CELF2: variants seen among roughly 807,000 people sequenced by gnomAD.
The protein encoded by CELF2 is CUG triplet repeat RNA-binding protein 2.
A neutral mutation model predicts 62.6 loss-of-function variants in CELF2; 8 were observed. That is an observed-to-expected ratio of 0.13 (90% CI 0.07 to 0.23). The LOEUF is 0.23. CELF2 is among the 10% of genes least tolerant of loss of function. The pLI is 1.00. For synonymous variants in CELF2, 258 were observed against 250.0 expected (o/e 1.03, Z -0.30); for missense variants, 333 against 671.0 (o/e 0.50, Z 5.56).
At chr10:10,676,443 T>C in the CELF2 span, among the ~76,000 whole-genome samples, 1 of 152,206 alleles carries the variant, frequency 6.6e-6, no homozygotes, top group Non-Finnish European at 1.5e-5. Flanking sequence ...AACAGAGTGA[T>C]CTGGTGTGTT....
intron 1 of CELF2, among the ~76,000 whole-genome samples, chr10:10,910,228 C>G (rs764673484): frequency 2.6e-5 from 4 of 152,082 alleles, no homozygotes; most frequent in Non-Finnish European, 5.9e-5. Flanking sequence ...GTGTGTTTTT[C>G]CTTAAGAAGC....
the CELF2 span, among the ~76,000 whole-genome samples, chr10:10,525,889 G>A: frequency 2.0e-5 from 3 of 152,020 alleles, no homozygotes; most frequent in African/African-American, 7.2e-5. Flanking sequence ...TTAATTTTTT[G>A]ACAAACTTCC....
At chr10:10,923,032 T>C (rs1467900884) in intron 2 of CELF2, 2 of 152,220 alleles carry the variant, frequency 1.3e-5, no homozygotes, top group Non-Finnish European at 2.9e-5. Flanking sequence ...CCATCAGTTG[T>C]TCCAGCTTTC....
intron 2 of CELF2, among the ~76,000 whole-genome samples, chr10:11,196,034 GAAA>G (rs5783195): frequency 6.8e-6 from 1 of 146,596 alleles, no homozygotes; most frequent in African/African-American, 2.5e-5. Context: ...AGGCAGGGGA[GAAA>G]AAAAAAAAAA....
At chr10:11,187,582 C>T (rs1019404495) in intron 2 of CELF2, among the ~76,000 whole-genome samples, 1 of 149,640 alleles carries the variant, frequency 6.7e-6, no homozygotes, top group Non-Finnish European at 1.5e-5. Flanking sequence ...CGCCCCCCCC[C>T]CAACCTGTTC....
chr10:10,814,746 C>G (rs2056287943), intron 1 of CELF2, among the ~76,000 whole-genome samples: 1 of 152,186 alleles, frequency 6.6e-6, no homozygotes, highest in Non-Finnish European at 1.5e-5. Context: ...GAGGTTAAAT[C>G]CAGGTAATAT....
chr10:10,577,412 T>C, the CELF2 span, among the ~76,000 whole-genome samples: 127 of 138,610 alleles, frequency 9.2e-4, no homozygotes, highest in African/African-American at 3.2e-3. Context: ...AGTTTTAGGG[T>C]ACATGTGCAC....
At chr10:10,869,807 G>A (rs183992821) in intron 1 of CELF2, among the ~76,000 whole-genome samples, 10 of 152,058 alleles carry the variant, frequency 6.6e-5, no homozygotes, top group South Asian at 4.2e-4. Context: ...TTAGAAAACC[G>A]GCCATGAGTC....
At chr10:10,786,164 G>A in the CELF2 span, among the ~76,000 whole-genome samples, 2 of 152,210 alleles carry the variant, frequency 1.3e-5, no homozygotes, top group African/African-American at 2.4e-5. Context: ...CACAGGAGCT[G>A]GAATTGCTCA....
intron 12 of CELF2, among the ~76,000 whole-genome samples, chr10:11,327,436 A>G (rs1463197821): frequency 6.6e-6 from 1 of 152,260 alleles, no homozygotes; most frequent in Non-Finnish European, 1.5e-5. Context: ...TAGTGTCAGC[A>G]GACAATTCTT....
chr10:10,623,134 G>T, the CELF2 span, among the ~76,000 whole-genome samples: 3 of 122,818 alleles, frequency 2.4e-5, no homozygotes, highest in African/African-American at 3.1e-5. Context: ...TGGATAAAAT[G>T]CTGTCAGTCA....
the CELF2 span, among the ~76,000 whole-genome samples, chr10:10,612,947 G>C: frequency 3.3e-5 from 5 of 152,222 alleles, no homozygotes; most frequent in Non-Finnish European, 5.9e-5. Context: ...CCCACGGTTA[G>C]ATGAGTGCAA....
the CELF2 span, among the ~76,000 whole-genome samples, chr10:10,760,780 T>C: frequency 2.6e-5 from 4 of 152,020 alleles, no homozygotes; most frequent in African/African-American, 9.7e-5. Flanking sequence ...TTTGTAAAAG[T>C]GCTGTGGAAA....
At chr10:11,327,293 AAAC>A (rs1298474429) in intron 12 of CELF2, among the ~76,000 whole-genome samples, 1 of 152,174 alleles carries the variant, frequency 6.6e-6, no homozygotes, top group East Asian at 1.9e-4. Flanking sequence ...TTTCGTAGCT[AAAC>A]AATATTCTAG....
At chr10:10,850,445 A>G (rs1057087243) in intron 1 of CELF2, among the ~76,000 whole-genome samples, 2 of 152,212 alleles carry the variant, frequency 1.3e-5, no homozygotes, top group Non-Finnish European at 2.9e-5. Flanking sequence ...TCATTTCTGA[A>G]TCCAAGGCTT....
chr10:10,812,856 T>C (rs1000135), intron 1 of CELF2, among the ~76,000 whole-genome samples: 21,655 of 152,154 alleles, frequency 0.14, 1,705 homozygotes, highest in Non-Finnish European at 0.19. Flanking sequence ...TCTGGTGTCC[T>C]CCTGTATCCC....
At position 11,292,617 on chromosome 10, in the gene CELF2, G is replaced by A. The variant is rs778639319; in HGVS notation, c.976+4065G>A. 3.7e-4 allele frequency among the ~76,000 whole-genome samples: 56 copies of A among 152,330 alleles called. 1 individual carries two copies. The highest frequency in any genetic ancestry group is 6.8e-3 in the Middle Eastern group (2 of 294). On this transcript the variant is annotated intron_variant, in intron 9 of 12. Transcript: ENST00000633077. ...GCCCCCTCCAAGTGGTGACATGCAC[G>A]AGGCAGTATCACCAGATGGGAAAGA...
chr10:11,283,557 T>G (rs1590611668), intron 8 of CELF2, among the ~76,000 whole-genome samples: 1 of 139,546 alleles, frequency 7.2e-6, no homozygotes, highest in African/African-American at 2.8e-5. Context: ...GATAGATGGG[T>G]GGATGATGGG....
chr10:10,764,424 T>C, the CELF2 span, among the ~76,000 whole-genome samples: 2 of 152,128 alleles, frequency 1.3e-5, no homozygotes, highest in African/African-American at 4.8e-5. Flanking sequence ...TATAAACAAA[T>C]ACGATGGAGC....
Sources: gnomAD v4.1 joint callset for allele counts (sites outside exome capture counted in the v4.1 genomes callset) on GRCh38, gnomAD v4.1.1 for gene constraint, MANE v1.5 for transcripts, NCBI Gene and HGNC (gene_info 2026-07-23, HGNC 2026-07-21) for gene names.